Variants in CDH13 observed in about 807,000 individuals in gnomAD.
CDH13 encodes the protein cadherin 13.
Under a neutral mutation model 63.8 loss-of-function variants are expected in CDH13, and 24 were observed. The ratio of observed to expected loss-of-function variants is 0.38; its 90% confidence interval spans 0.27 to 0.53. The LOEUF is 0.53. Ranked by LOEUF, CDH13 falls within the 20% of genes least tolerant of loss-of-function variation. The pLI, the probability that CDH13 is intolerant of heterozygous loss-of-function variation, is 0.85. For synonymous variants in CDH13, 503 were observed against 355.3 expected (o/e 1.42, Z -4.67); for missense variants, 1,049 against 903.1 (o/e 1.16, Z -2.07).
chr16:83,678,494 G>C (rs1915147564), intron 10 of CDH13, 33 bp downstream of exon 10: 33 of 1,612,110 alleles, frequency 2.0e-5, no homozygotes, highest in Non-Finnish European at 2.8e-5. Flanking sequence ...ACAGACGGGA[G>C]GTGGGCAGGA....
At chr16:83,752,038 C>G (rs777092427) in intron 11 of CDH13, among the ~76,000 whole-genome samples, 13 of 152,158 alleles carry the variant, frequency 8.5e-5, no homozygotes, top group Non-Finnish European at 1.3e-4. Context: ...AGTACAGAAT[C>G]AGGGATGAAA....
intron 7 of CDH13, among the ~76,000 whole-genome samples, chr16:83,569,668 A>C (rs4782546): frequency 6.6e-6 from 1 of 152,186 alleles, no homozygotes; most frequent in South Asian, 2.1e-4. Flanking sequence ...TAGGACATGG[A>C]CTCAGAGACG....
chr16:83,465,737 G>A (rs2073298332), intron 6 of CDH13, among the ~76,000 whole-genome samples: 1 of 152,196 alleles, frequency 6.6e-6, no homozygotes, highest in African/African-American at 2.4e-5. Flanking sequence ...GGTAGGATGA[G>A]ATTAGAAGCA....
chr16:82,871,104 A>G (rs1483578054), intron 2 of CDH13, among the ~76,000 whole-genome samples: 3 of 152,234 alleles, frequency 2.0e-5, no homozygotes, highest in Non-Finnish European at 4.4e-5. Flanking sequence ...TATCAGTAAC[A>G]CTATTGACAA....
At chr16:83,549,647 A>G (rs2075454511) in intron 7 of CDH13, among the ~76,000 whole-genome samples, 1 of 151,976 alleles carries the variant, frequency 6.6e-6, no homozygotes, top group Non-Finnish European at 1.5e-5. Context: ...ACGCTCAAAA[A>G]AAAAAAAAAG....
In CDH13 at chr16:83,522,420, G is replaced by A. The variant is rs73605873; in HGVS notation, c.960+35765G>A. On this transcript the variant is annotated intron_variant, in intron 7 of 13. Transcript: ENST00000567109. ...ATATTGGGGAAGAAAGTTCCACAGC[G>A]CAATATGCAACCGTGGAGTTTCTAA... 3.7e-3 allele frequency among the ~76,000 whole-genome samples: 564 copies of A among 152,270 alleles called. 4 individuals carry two copies. The highest frequency in any genetic ancestry group is 0.012 in the African/African-American group (506 of 41,540).
At chr16:83,593,926 G>GA (rs1478745120) in intron 7 of CDH13, among the ~76,000 whole-genome samples, 1 of 152,182 alleles carries the variant, frequency 6.6e-6, no homozygotes, top group Non-Finnish European at 1.5e-5. Context: ...ATTGCTGCAT[G>GA]AAAAATTGTC....
intron 10 of CDH13, among the ~76,000 whole-genome samples, chr16:83,707,697 T>C (rs910264620): frequency 6.6e-6 from 1 of 152,000 alleles, no homozygotes; most frequent in African/African-American, 2.4e-5. Context: ...CACTGTGCTA[T>C]TGATCTGGTG....
chr16:83,005,761 GT>G (rs1472507365), intron 2 of CDH13, among the ~76,000 whole-genome samples: 1 of 152,104 alleles, frequency 6.6e-6, no homozygotes, highest in East Asian at 1.9e-4. Context: ...GCTTTGTTTT[GT>G]TTTGATTTGC....
intron 4 of CDH13, among the ~76,000 whole-genome samples, chr16:83,214,819 G>A (rs936408797): frequency 1.3e-5 from 2 of 151,866 alleles, no homozygotes; most frequent in African/African-American, 2.4e-5. Flanking sequence ...AAGATGAGGC[G>A]ATGGACCGTG....
chr16:82,965,031 C>A (rs910720903), intron 2 of CDH13, among the ~76,000 whole-genome samples: 1 of 152,212 alleles, frequency 6.6e-6, no homozygotes, highest in Non-Finnish European at 1.5e-5. Flanking sequence ...TGAGTACTGT[C>A]AAAGAAAGCA....
chr16:83,344,252 C>G (rs536546644), intron 5 of CDH13, among the ~76,000 whole-genome samples: 4 of 152,166 alleles, frequency 2.6e-5, no homozygotes, highest in African/African-American at 9.7e-5. Context: ...ATGCTGCCTT[C>G]TTCATTGAGA....
At chr16:83,339,819 A>G (rs1480171800) in intron 5 of CDH13, among the ~76,000 whole-genome samples, 1 of 152,192 alleles carries the variant, frequency 6.6e-6, no homozygotes, top group Non-Finnish European at 1.5e-5. Context: ...AACCACTAGC[A>G]CTAGAATCTC....
chr16:82,930,886 A>G (rs2042469370), intron 2 of CDH13, among the ~76,000 whole-genome samples: 1 of 152,204 alleles, frequency 6.6e-6, no homozygotes, highest in Admixed American at 6.5e-5. Flanking sequence ...CCCAAATTAG[A>G]TTAAAATCCT....
chr16:83,567,862 T>C (rs966313451), intron 7 of CDH13, among the ~76,000 whole-genome samples: 4 of 152,214 alleles, frequency 2.6e-5, no homozygotes, highest in African/African-American at 9.6e-5. Flanking sequence ...CCCAAAGTGC[T>C]GGGATTACAG....
chr16:82,708,448 T>C (rs1018075056), intron 1 of CDH13, among the ~76,000 whole-genome samples: 7 of 152,144 alleles, frequency 4.6e-5, no homozygotes, highest in Non-Finnish European at 1.0e-4. Flanking sequence ...CTTCTCTAGC[T>C]CTCACTCTCC....
intron 5 of CDH13, among the ~76,000 whole-genome samples, chr16:83,286,610 G>A (rs2089320726): frequency 1.3e-5 from 2 of 151,930 alleles, no homozygotes; most frequent in Non-Finnish European, 2.9e-5. Context: ...TAAAAAATTA[G>A]CCAGGCATGG....
At chr16:83,220,569 G>A (rs1032489398) in intron 5 of CDH13, among the ~76,000 whole-genome samples, 17 of 150,364 alleles carry the variant, frequency 1.1e-4, no homozygotes, top group African/African-American at 3.2e-4. Flanking sequence ...AAACCTGTAC[G>A]TTGTGCACAT....
chr16:83,576,176 C>G (rs1289523485), intron 7 of CDH13, among the ~76,000 whole-genome samples: 2 of 152,186 alleles, frequency 1.3e-5, no homozygotes, highest in East Asian at 3.9e-4. Flanking sequence ...CTCCCTGACC[C>G]CAGTCCCTGG....
Sources: gnomAD v4.1 joint callset for allele counts (sites outside exome capture counted in the v4.1 genomes callset) on GRCh38, gnomAD v4.1.1 for gene constraint, MANE v1.5 for transcripts, NCBI Gene and HGNC (gene_info 2026-07-23, HGNC 2026-07-21) for gene names.